Variants in UNC93B1 observed in about 807,000 individuals in gnomAD.
UNC93B1 encodes the protein unc-93B1 regulator of TLR signaling.
In UNC93B1, 33 loss-of-function variants were observed where a neutral mutation model predicts 56.8. That is an observed-to-expected ratio of 0.58 (90% CI 0.44 to 0.78). UNC93B1 has a LOEUF of 0.78. Ranked by LOEUF, UNC93B1 falls within the 30% of genes least tolerant of loss-of-function variation. The probability of loss-of-function intolerance (pLI) is 0.00; values close to 1 mark genes in which losing one functional copy is unlikely to be tolerated. For missense variants in UNC93B1, 673 were observed against 819.5 expected, an observed-to-expected ratio of 0.82 and a Z score of 2.18; for synonymous variants, 334 against 358.6, an observed-to-expected ratio of 0.93 and a Z score of 0.77.
chr11:67,999,374 A>G lies in UNC93B1; in HGVS notation c.555-69T>C, dbSNP rs1403419293. 1.9e-6 allele frequency: 3 copies of G among 1,559,328 alleles called. No homozygotes were observed. In the African/African-American group the frequency reaches 4.1e-5, roughly 21 times the overall value. On this transcript the variant is annotated intron_variant, in intron 4 of 10. Transcript: ENST00000227471. Reference sequence around the variant, plus strand: ...CCACTCCTGTGTGTCCTGCACCCAGAGCTAGGAGCAGACCAGCCCCGGTGT... The same window carrying G: ...CCACTCCTGTGTGTCCTGCACCCAGGGCTAGGAGCAGACCAGCCCCGGTGT...
In UNC93B1 at chr11:68,000,604, G is replaced by T. The variant is rs1857030160; in HGVS notation, c.393-924C>A. ...CGCTTGAACCCAGGAGGTGGAGGTT[G>T]CCGTGAGCTGAGATCGCGTCACCGC... On this transcript the variant is annotated intron_variant, in intron 3 of 10. Coordinates refer to ENST00000227471, the MANE Select transcript of UNC93B1 (RefSeq NM_030930.4). Among the ~76,000 whole-genome samples, 3 of 152,152 alleles carry T rather than the reference G, an allele frequency of 2.0e-5. No homozygotes were observed. In the South Asian group the frequency reaches 6.2e-4, roughly 32 times the overall value.
At position 68,003,632 on chromosome 11, in the gene UNC93B1, C is replaced by G; in HGVS notation, c.238+25G>C. 6.6e-7 allele frequency: 1 copy of G among 1,507,956 alleles called. No homozygotes were observed. The highest frequency in any genetic ancestry group is 8.8e-7 in the Non-Finnish European group (1 of 1,134,132). The allele number at this position is 1,507,956 out of a possible 1,614,324, so 93.4% of individuals were successfully genotyped here. A position where few individuals can be genotyped will look rare whatever the true frequency, so the allele number is the denominator to read the frequency against. ...GCCGGGCTGGGAGCGGGCGGGGCGG[C>G]CCCGGGTCCCCGAGCGGCACCTACC... On this transcript the variant is annotated intron_variant, in intron 2 of 10. Transcript: ENST00000227471. The surrounding 1 kb of genome is among the most constrained non-coding windows in gnomAD (Gnocchi z 4.4).
At position 67,995,750 on chromosome 11, in the gene UNC93B1, T is replaced by C. The variant is rs1474000120; in HGVS notation, c.1224A>G (p.Gly408=). Residue 408 remains glycine (G), a synonymous_variant, in exon 9 of 11, where the codon GGA becomes GGG. Transcript: ENST00000227471. ...AGGTGAGCAGCAGGTGCACCCCTGCTCCGGCCACCAGGGGCACCGGGCGTG... is the reference window on the plus strand; with the variant it reads ...AGGTGAGCAGCAGGTGCACCCCTGCCCCGGCCACCAGGGGCACCGGGCGTG... ...WLPRPVPLVA[G]AGVHLLLTFI... 6.5e-7 allele frequency: 1 copy of C among 1,548,330 alleles called. No individual in the cohort carries two copies. The highest frequency in any genetic ancestry group is 2.4e-5 in the East Asian group (1 of 40,866).
rs771528759 is a variant in UNC93B1 at position 67,999,243 on chromosome 11, T to C, written c.617A>G (p.Gln206Arg). 1.2e-6 allele frequency: 2 copies of C among 1,613,650 alleles called. No individual in the cohort carries two copies. The highest frequency in any genetic ancestry group is 1.7e-6 in the Non-Finnish European group (2 of 1,179,898). The change falls in exon 5 of 11, where the codon CAG becomes CGG. Residue 206 changes from glutamine (Q) to arginine (R), a missense_variant. Transcript: ENST00000227471. ...CGCGTGGGAGCCCCGCGGAGGCCGC[T>C]GCTTCATCCCCTGCCCATCCTGCTC... The part of the protein sequence containing the change: ...YKEQDGQGMK[Q>R]RPPRGSHAPY...
chr11:68,003,098 C>G lies in UNC93B1; in HGVS notation c.316G>C (p.Asp106His). ...CCCATCAGCATTTTGCTGTCGATGT[C>G]GGGCAGCCCCATGTTGCCATACTTC... Reference protein sequence around the residue: ...EVKYGNMGLPDIDSKMLMGIN... With the variant: ...EVKYGNMGLPHIDSKMLMGIN... The change falls in exon 3 of 11, where the codon GAC becomes CAC. Residue 106 changes from aspartate (D) to histidine (H), a missense_variant. Coordinates refer to ENST00000227471, the MANE Select transcript of UNC93B1 (RefSeq NM_030930.4). This position sits in a 1 kb window ranked among gnomAD's most constrained non-coding sequence, Gnocchi z 4.4. 6.2e-7 allele frequency: 1 copy of G among 1,613,560 alleles called. No individual in the cohort carries two copies. Among genetic ancestry groups the G allele is most frequent in the African/African-American group, 1.3e-5 (1 of 75,002 alleles).
chr11:67,997,811 G>T lies in UNC93B1; in HGVS notation c.782-12C>A. On this transcript the variant is annotated splice_polypyrimidine_tract_variant and intron_variant, in intron 6 of 10. Coordinates refer to ENST00000227471, the MANE Select transcript of UNC93B1 (RefSeq NM_030930.4). ...GTGGCTGTTGGTGCCTGGGAAGGGTGGGGGTGAGGGCACCGTGAGCAGAGA... is the reference window on the plus strand; with the variant it reads ...GTGGCTGTTGGTGCCTGGGAAGGGTTGGGGTGAGGGCACCGTGAGCAGAGA... The T allele has an allele frequency of 6.2e-7, 1 of 1,603,784 alleles. No individual in the cohort carries two copies.
chr11:67,999,403 GA>G lies in UNC93B1; in HGVS notation c.555-99del, dbSNP rs1378435013. On this transcript the variant is annotated intron_variant, in intron 4 of 10. Transcript: ENST00000227471. ...AGGAGCAGACCAGCCCCGGTGTGGG[GA>G]AACTGAGGCCCAGAGGGCGGAAGGG... is the stretch of plus-strand genomic sequence containing the variant. The G allele has an allele frequency of 2.6e-6, 4 of 1,550,070 alleles. No individual in the cohort carries two copies. In the East Asian group the frequency reaches 9.8e-5, roughly 38 times the overall value.
rs997581369 is a variant in UNC93B1, at chr11:67,995,714, A to G, written c.1260T>C (p.Phe420=). The G allele has an allele frequency of 1.9e-6, 3 of 1,548,220 alleles. No individual in the cohort carries two copies. The highest frequency in any genetic ancestry group is 2.6e-6 in the Non-Finnish European group (3 of 1,146,800). ...GGACCCGAGGCACAGGGGCCCAGAAAAAGAGGATGAAGGTGAGCAGCAGGT... is the reference window on the plus strand; with the variant it reads ...GGACCCGAGGCACAGGGGCCCAGAAGAAGAGGATGAAGGTGAGCAGCAGGT... The part of the protein sequence containing the change: ...GVHLLLTFIL[F]FWAPVPRVLQ... The change falls in exon 9 of 11, where the codon TTT becomes TTC. Residue 420 remains phenylalanine (F), a synonymous_variant. Transcript: ENST00000227471.
At chr11:68,002,382 A>C (rs190326659) in intron 3 of UNC93B1, among the ~76,000 whole-genome samples, 101 of 152,176 alleles carry the variant, frequency 6.6e-4, no homozygotes, top group African/African-American at 2.2e-3. Context: ...AGATGTTTTA[A>C]ATTTTCAAAT....
At chr11:67,993,048 C>T (rs184556024) in intron 10 of UNC93B1, among the ~76,000 whole-genome samples, 33 of 152,066 alleles carry the variant, frequency 2.2e-4, no homozygotes, top group Admixed American at 2.0e-3. Context: ...GGAGTGCCAA[C>T]GCCCCGTCTC....
At position 68,003,766 on chromosome 11, in the gene UNC93B1, G is replaced by A; in HGVS notation, c.129C>T (p.Tyr43=). 4 of 1,519,072 alleles carry A rather than the reference G, an allele frequency of 2.6e-6. No homozygotes were observed. The highest frequency in any genetic ancestry group is 3.5e-6 in the Non-Finnish European group (4 of 1,140,178). 94.1% of individuals were successfully genotyped at this position (1,519,072 alleles called of 1,614,324 possible). A position where few individuals can be genotyped will look rare whatever the true frequency, so the allele number is the denominator to read the frequency against. The change falls in exon 2 of 11, where the codon TAC becomes TAT. Residue 43 remains tyrosine, a synonymous_variant. Transcript: ENST00000227471. The surrounding 1 kb of genome is among the most constrained non-coding windows in gnomAD (Gnocchi z 4.4). ...AGCGGCGCTCCTCCTCCTCCTCGTT[G>A]TAGTTGGGGTACGCGCCCACCAGCT... ...LDELVGAYPN[Y]NEEEEERRYY... is the part of the protein sequence containing the mutation.
intron 9 of UNC93B1, among the ~76,000 whole-genome samples, chr11:67,995,370 T>C (rs1240043429): frequency 6.6e-6 from 1 of 151,944 alleles, no homozygotes; most frequent in Non-Finnish European, 1.5e-5. Context: ...GGAACCCCCA[T>C]ACCTGTCTCC....
At chr11:68,001,263 C>T (rs1480053813) in intron 3 of UNC93B1, among the ~76,000 whole-genome samples, 1 of 151,950 alleles carries the variant, frequency 6.6e-6, no homozygotes, top group African/African-American at 2.4e-5. Flanking sequence ...CAAGAGTTCA[C>T]TGCTATTAGT....
At chr11:68,002,884 T>C (rs1367799932) in intron 3 of UNC93B1, 138 bp downstream of exon 3, 1 of 1,185,022 alleles carries the variant, frequency 8.4e-7, no homozygotes, top group Non-Finnish European at 1.1e-6. Flanking sequence ...ACTCTCAGGC[T>C]TCCGGGTAGA....
chr11:67,998,634 A>G lies in UNC93B1; in HGVS notation c.688-182T>C, dbSNP rs147127465. On this transcript the variant is annotated intron_variant, in intron 5 of 10. Coordinates refer to ENST00000227471, the MANE Select transcript of UNC93B1 (RefSeq NM_030930.4). ...CCTCCTCCTGGCCAGCATTGTGGAAAAGGGCAGATGAGATCTCTATCTCTA... is the reference window on the plus strand; with the variant it reads ...CCTCCTCCTGGCCAGCATTGTGGAAGAGGGCAGATGAGATCTCTATCTCTA... Among the ~76,000 whole-genome samples, 572 of 152,296 alleles carry G rather than the reference A, an allele frequency of 3.8e-3. 4 individuals carry two copies. Among genetic ancestry groups the G allele is most frequent in the African/African-American group, 0.013 (524 of 41,548 alleles).
Position 67,999,383 on chromosome 11 carries a change from C to G in UNC93B1, c.555-78G>C, listed in dbSNP as rs146648117. 1.9e-6 allele frequency: 3 copies of G among 1,555,344 alleles called. No individual in the cohort carries two copies. The Admixed American group carries it at 5.8e-5, about 30-fold the overall frequency. The stretch of plus-strand genomic sequence containing the variant: ...TGTGTCCTGCACCCAGAGCTAGGAG[C>G]AGACCAGCCCCGGTGTGGGGAAACT... On this transcript the variant is annotated intron_variant, in intron 4 of 10. Coordinates refer to ENST00000227471, the MANE Select transcript of UNC93B1 (RefSeq NM_030930.4).
chr11:68,003,521 CG>C lies in UNC93B1; in HGVS notation c.238+135del, dbSNP rs1293230816. 6 of 1,286,640 alleles carry C rather than the reference CG, an allele frequency of 4.7e-6. No individual in the cohort carries two copies. Among genetic ancestry groups the C allele is most frequent in the Middle Eastern group, 2.8e-4 (1 of 3,612 alleles). The allele number at this position is 1,286,640 out of a possible 1,614,324, so 79.7% of individuals were successfully genotyped here. ...TGACCCCCCAACCCCACCCCCGCCG[CG>C]GGGGGCCGTGGCTGCAGCTGCGAGG... On this transcript the variant is annotated intron_variant, in intron 2 of 10. Coordinates refer to ENST00000227471, the MANE Select transcript of UNC93B1 (RefSeq NM_030930.4). This position sits in a 1 kb window ranked among gnomAD's most constrained non-coding sequence, Gnocchi z 4.4.
At chr11:67,996,172 G>C (rs1345517614) in intron 8 of UNC93B1, among the ~76,000 whole-genome samples, 1 of 151,016 alleles carries the variant, frequency 6.6e-6, no homozygotes, top group Non-Finnish European at 1.5e-5. Context: ...TGGGGAGAGG[G>C]GCCCCCCGCG....
At position 68,003,346 on chromosome 11, in the gene UNC93B1, C is replaced by A. The variant is rs1003789692; in HGVS notation, c.239-171G>T. On this transcript the variant is annotated intron_variant, in intron 2 of 10. Coordinates refer to ENST00000227471, the MANE Select transcript of UNC93B1 (RefSeq NM_030930.4). The surrounding 1 kb of genome is among the most constrained non-coding windows in gnomAD (Gnocchi z 4.4). Reference sequence around the variant, plus strand: ...GGCTGCGCCACGCCTTCTGCCAGCCCGCGGCCACTTGGCCAGCTAAGCCCA... The same window carrying A: ...GGCTGCGCCACGCCTTCTGCCAGCCAGCGGCCACTTGGCCAGCTAAGCCCA... 4 of 963,646 alleles carry A rather than the reference C, an allele frequency of 4.2e-6. No homozygotes were observed. Among genetic ancestry groups the A allele is most frequent in the Middle Eastern group, 6.7e-4 (2 of 2,996 alleles). 59.7% of individuals were successfully genotyped at this position (963,646 alleles called of 1,614,324 possible).
Sources: gnomAD v4.1 joint callset for allele counts (sites outside exome capture counted in the v4.1 genomes callset) on GRCh38, gnomAD v4.1.1 for gene constraint, Gnocchi (gnomAD v3.1) non-coding constraint, MANE v1.5 for transcripts, NCBI Gene and HGNC (gene_info 2026-07-23, HGNC 2026-07-21) for gene names.